The following GPR4 variants were observed in gnomAD, a reference collection of about 807,000 sequenced individuals.
GPR4 encodes the protein G-prodeshotein coupled receptor 4.
Under a neutral mutation model 17.8 loss-of-function variants are expected in GPR4, and 11 were observed. The observed-to-expected ratio is 0.62, with a 90% CI of 0.39 to 1.02. The LOEUF is 1.02. Among genes scored for constraint, GPR4 ranks in the 50% least tolerant of loss-of-function variants. The pLI, the probability that GPR4 is intolerant of heterozygous loss-of-function variation, is 0.00. For synonymous variants in GPR4, 219 were observed against 222.8 expected (o/e 0.98, Z 0.15); for missense variants, 364 against 495.4 (o/e 0.73, Z 2.52).
intron 1 of GPR4, among the ~76,000 whole-genome samples, chr19:45,594,319 G>C (rs1970035006): frequency 6.7e-6 from 1 of 148,700 alleles, no homozygotes; most frequent in African/African-American, 2.5e-5. Flanking sequence ...CTACTCAGGA[G>C]GCTGAGGCAG....
At chr19:45,600,221 C>G (rs1970099072) in intron 1 of GPR4, among the ~76,000 whole-genome samples, 1 of 151,692 alleles carries the variant, frequency 6.6e-6, no homozygotes. Context: ...CCTCTCTACC[C>G]TTTCGCTAGT....
intron 1 of GPR4, chr19:45,599,587 A>C (rs1970093445): frequency 6.6e-6 from 1 of 151,988 alleles, no homozygotes; most frequent in Non-Finnish European, 1.5e-5. Flanking sequence ...GCCCCACTGC[A>C]CCTCAGTATC....
intron 1 of GPR4, among the ~76,000 whole-genome samples, chr19:45,600,113 T>A (rs1392908781): frequency 1.3e-5 from 2 of 152,110 alleles, no homozygotes; most frequent in East Asian, 3.8e-4. Flanking sequence ...TCTAAGAAAT[T>A]ATGGCTTCAT....
chr19:45,596,041 C>T (rs981452722), intron 1 of GPR4, among the ~76,000 whole-genome samples: 1 of 152,202 alleles, frequency 6.6e-6, no homozygotes, highest in African/African-American at 2.4e-5. Flanking sequence ...AATCTGTGTG[C>T]GTCTCTCTCA....
intron 1 of GPR4, among the ~76,000 whole-genome samples, chr19:45,594,115 G>A (rs1970032771): frequency 8.9e-6 from 1 of 112,252 alleles, no homozygotes; most frequent in African/African-American, 3.8e-5. Flanking sequence ...AGGTCTTCCT[G>A]TGTTGCCCAG....
rs1462585276 is a variant in GPR4 at position 45,590,465 on chromosome 19, A to C, written c.*313T>G. On this transcript the variant is annotated 3_prime_UTR_variant, in exon 2 of 2. Transcript: ENST00000323040. ...ATGTGGGAAGATCGCTGGAGAGCCC[A>C]GGAGGTGGAGGCTGCAGTGAGCCAC... 3.5e-6 allele frequency: 1 copy of C among 283,486 alleles called. No homozygotes were observed. The highest frequency in any genetic ancestry group is 1.1e-4 in the South Asian group (1 of 9,272). 17.6% of individuals were successfully genotyped at this position (283,486 alleles called of 1,614,324 possible). A position where few individuals can be genotyped will look rare whatever the true frequency, so the allele number is the denominator to read the frequency against.
chr19:45,600,726 G>C (rs550884691), intron 1 of GPR4, among the ~76,000 whole-genome samples: 5 of 152,302 alleles, frequency 3.3e-5, no homozygotes, highest in African/African-American at 1.2e-4. Context: ...GGGGCAGGGG[G>C]AGTTGGCCTA....
intron 1 of GPR4, chr19:45,599,797 C>T (rs942732689): frequency 2.6e-5 from 4 of 152,250 alleles, no homozygotes; most frequent in African/African-American, 9.6e-5. Context: ...TTTATTACAT[C>T]GTGGCTTTGT....
chr19:45,595,319 A>ATAAT (rs1312932944), intron 1 of GPR4, among the ~76,000 whole-genome samples: 8 of 63,862 alleles, frequency 1.3e-4, no homozygotes, highest in East Asian at 8.3e-4. Context: ...AAATAAATAA[A>ATAAT]AAATAACTGG....
intron 1 of GPR4, among the ~76,000 whole-genome samples, chr19:45,599,082 C>T (rs1970086613): frequency 6.6e-6 from 1 of 152,172 alleles, no homozygotes; most frequent in South Asian, 2.1e-4. Flanking sequence ...AAGAAGCTCC[C>T]CCTGTCTGTC....
intron 1 of GPR4, among the ~76,000 whole-genome samples, chr19:45,593,126 G>A (rs771897076): frequency 6.7e-6 from 1 of 150,044 alleles, no homozygotes; most frequent in Non-Finnish European, 1.5e-5. Context: ...TGATCCCAGG[G>A]GATTCAGGCT....
chr19:45,601,227 C>T (rs1188409030), intron 1 of GPR4, among the ~76,000 whole-genome samples: 1 of 152,158 alleles, frequency 6.6e-6, no homozygotes, highest in Non-Finnish European at 1.5e-5. Context: ...CATCCCACAA[C>T]CGATGCCTCA....
chr19:45,590,910 G>C lies in GPR4; in HGVS notation c.957C>G (p.Ala319=), dbSNP rs13344848. The C allele has an allele frequency of 6.2e-7, 1 of 1,614,040 alleles. No individual in the cohort carries two copies. The highest frequency in any genetic ancestry group is 8.5e-7 in the Non-Finnish European group (1 of 1,180,054). Residue 319 remains alanine (A), a synonymous_variant, in exon 2 of 2, where the codon GCC becomes GCG. Transcript: ENST00000323040. ...TGAGTGGGGTCTCCAGGGTGAGCGA[G>C]GCATTGGCCATCTCCTGGGGCTTGT... ...ASDKPQEMAN[A]SLTLETPLTS...
intron 1 of GPR4, among the ~76,000 whole-genome samples, chr19:45,597,952 C>T (rs973512740): frequency 2.0e-5 from 3 of 152,138 alleles, no homozygotes; most frequent in African/African-American, 7.2e-5. Context: ...GCTTGTGGGT[C>T]CTGTGGAGAT....
intron 1 of GPR4, among the ~76,000 whole-genome samples, chr19:45,593,370 G>A (rs930326994): frequency 2.0e-5 from 3 of 151,028 alleles, no homozygotes; most frequent in Admixed American, 6.6e-5. Flanking sequence ...GTGGTGGCAC[G>A]TGCCTGTAAT....
intron 1 of GPR4, among the ~76,000 whole-genome samples, chr19:45,599,957 C>A (rs1220014062): frequency 6.6e-6 from 1 of 152,152 alleles, no homozygotes; most frequent in African/African-American, 2.4e-5. Context: ...CTTTCCCCAG[C>A]AAACAGGAAT....
chr19:45,597,924 C>T (rs1600024929), intron 1 of GPR4, among the ~76,000 whole-genome samples: 1 of 152,286 alleles, frequency 6.6e-6, no homozygotes, highest in East Asian at 1.9e-4. Context: ...CTCCCCCACC[C>T]CAGACTCTTG....
intron 1 of GPR4, among the ~76,000 whole-genome samples, chr19:45,598,844 C>G (rs1219155652): frequency 2.0e-5 from 3 of 152,134 alleles, no homozygotes; most frequent in Admixed American, 2.0e-4. Flanking sequence ...TGAGGTTTTT[C>G]TCTTCACTCT....
Position 45,591,629 on chromosome 19 carries a change from G to A in GPR4, c.238C>T (p.His80Tyr). Residue 80 changes from histidine (H) to tyrosine (Y), a missense_variant, in exon 2 of 2, where the codon CAC (histidine) becomes TAC (tyrosine). This residue lies in a region of GPR4 where 271 missense variants were observed against 373.1 expected (regional missense o/e 0.73). Coordinates refer to ENST00000323040, the MANE Select transcript of GPR4 (RefSeq NM_005282.3). The surrounding 1 kb of genome is among the most constrained non-coding windows in gnomAD (Gnocchi z 7.6). ...LPLWVDYFLH[H>Y]DNWIHGPGSC... is the part of the protein sequence containing the mutation. The stretch of plus-strand genomic sequence containing the variant: ...CCGGGGCCGTGGATCCAGTTGTCGT[G>A]GTGCAGGAAGTAGTCCACCCACAGC... 2 of 1,614,108 alleles carry A rather than the reference G, an allele frequency of 1.2e-6. No homozygotes were observed. Among genetic ancestry groups the A allele is most frequent in the Non-Finnish European group, 1.7e-6 (2 of 1,180,002 alleles).
Sources: allele counts gnomAD v4.1 joint callset (sites outside exome capture counted in the v4.1 genomes callset), GRCh38; gene constraint gnomAD v4.1.1; regional missense constraint gnomAD v4.1.1; non-coding constraint Gnocchi (gnomAD v3.1); transcripts MANE v1.5; gene names NCBI Gene and HGNC (gene_info 2026-07-23, HGNC 2026-07-21).